Variants in RAPH1 observed in about 807,000 individuals in gnomAD.
The protein encoded by RAPH1 is ras-associated and pleckstrin homology domains-containing protein 1.
A neutral mutation model predicts 88.1 loss-of-function variants in RAPH1; 18 were observed. That is an observed-to-expected ratio of 0.20 (90% confidence interval 0.14 to 0.30). The LOEUF (loss-of-function observed/expected upper bound fraction) is 0.30. Among genes scored for constraint, RAPH1 ranks in the 10% least tolerant of loss-of-function variants. RAPH1 has a pLI of 1.00. For missense variants in RAPH1, 1,448 were observed against 1,543.2 expected (o/e 0.94, Z 1.03); for synonymous variants, 587 against 559.0 (o/e 1.05, Z -0.71).
intron 1 of RAPH1, among the ~76,000 whole-genome samples, chr2:203,527,708 G>A (rs1690184102): frequency 6.7e-6 from 1 of 149,220 alleles, no homozygotes; most frequent in Non-Finnish European, 1.5e-5. Flanking sequence ...ACTGAGGCAG[G>A]AGAATCGCTT....
At chr2:203,479,864 T>C (rs1472313965) in intron 4 of RAPH1, among the ~76,000 whole-genome samples, 2 of 152,192 alleles carry the variant, frequency 1.3e-5, no homozygotes, top group Non-Finnish European at 2.9e-5. Context: ...AAAGTACTTA[T>C]TTTCTTACCA....
chr2:203,491,191 T>C (rs1244947507), intron 3 of RAPH1, 23 bp downstream of exon 3: 16 of 1,511,336 alleles, frequency 1.1e-5, no homozygotes, highest in Non-Finnish European at 1.4e-5. Context: ...CTATTTTACA[T>C]TTTATTTCCA....
At chr2:203,524,359 G>T (rs1270472557) in intron 1 of RAPH1, among the ~76,000 whole-genome samples, 1 of 152,034 alleles carries the variant, frequency 6.6e-6, no homozygotes, top group Non-Finnish European at 1.5e-5. Flanking sequence ...GGAAAAATTT[G>T]CCCACTTTAA....
chr2:203,515,909 T>A (rs1689581369), intron 1 of RAPH1, among the ~76,000 whole-genome samples: 1 of 152,168 alleles, frequency 6.6e-6, no homozygotes, highest in Non-Finnish European at 1.5e-5. Context: ...ATGATATAGT[T>A]AAGACACTCA....
chr2:203,495,113 C>A, intron 2 of RAPH1, 121 bp downstream of exon 2: 1 of 1,063,214 alleles, frequency 9.4e-7, no homozygotes, highest in Non-Finnish European at 1.4e-6. Flanking sequence ...ATACTTCGAA[C>A]ATTTCTTCCT....
chr2:203,512,413 T>C (rs1689388894), intron 1 of RAPH1, among the ~76,000 whole-genome samples: 1 of 151,634 alleles, frequency 6.6e-6, no homozygotes, highest in Non-Finnish European at 1.5e-5. Flanking sequence ...TCCATGTTTG[T>C]ATGCCTCAAC....
At chr2:203,526,233 T>A (rs1690108126) in intron 1 of RAPH1, among the ~76,000 whole-genome samples, 1 of 152,164 alleles carries the variant, frequency 6.6e-6, no homozygotes, top group African/African-American at 2.4e-5. Context: ...TTTAAAAAAA[T>A]GTTTTATTAC....
chr2:203,444,039 A>T (rs1164650410), intron 13 of RAPH1: 1 of 115,976 alleles, frequency 8.6e-6, no homozygotes, highest in Non-Finnish European at 1.7e-5. Context: ...AAGGAAAGGA[A>T]GGGAAGGAAG....
intron 1 of RAPH1, among the ~76,000 whole-genome samples, chr2:203,501,097 T>A (rs770137148): frequency 6.6e-6 from 1 of 151,890 alleles, no homozygotes; most frequent in Non-Finnish European, 1.5e-5. Flanking sequence ...AAGTTACAAC[T>A]GTTGCAAAAT....
rs759119533 is a variant in RAPH1 at position 203,440,404 on chromosome 2, G to A, written c.2786C>T (p.Pro929Leu). The change falls in exon 14 of 14, where the codon CCT becomes CTT. Residue 929 changes from proline (P) to leucine (L), a missense_variant. This residue lies in a region of RAPH1 where 935 missense variants were observed against 890.1 expected (regional missense o/e 1.05). Transcript: ENST00000319170. Reference sequence around the variant, plus strand: ...GGCTGGGACAGGTGATGGGGGTGGAGGAGGAAACACCAGGCTGCTTTCAGG... The same window carrying A: ...GGCTGGGACAGGTGATGGGGGTGGAAGAGGAAACACCAGGCTGCTTTCAGG... Reference protein sequence around the residue: ...PPPESSLVFPPPPPSPVPAPP... With the variant: ...PPPESSLVFPLPPPSPVPAPP... 3 of 1,566,598 alleles carry A rather than the reference G, an allele frequency of 1.9e-6. No individual in the cohort carries two copies. Among genetic ancestry groups the A allele is most frequent in the Admixed American group, 1.8e-5 (1 of 54,468 alleles).
intron 7 of RAPH1, among the ~76,000 whole-genome samples, chr2:203,458,142 C>T (rs1239418842): frequency 6.6e-6 from 1 of 152,016 alleles, no homozygotes; most frequent in African/African-American, 2.4e-5. Flanking sequence ...GAGGCCAAGG[C>T]GGGTGGATCA....
Position 203,522,652 on chromosome 2 carries a change from A to G in RAPH1, c.-1+12459T>C, listed in dbSNP as rs190814323. ...TGCAGTGGCTCACACCTGTAATCCC[A>G]GCAGTTTGGAAGGCTGAGGCAGGCG... On this transcript the variant is annotated intron_variant, in intron 1 of 13. Coordinates refer to ENST00000319170, the MANE Select transcript of RAPH1 (RefSeq NM_213589.3). 3.0e-3 allele frequency among the ~76,000 whole-genome samples: 452 copies of G among 152,268 alleles called. 2 individuals carry two copies. The highest frequency in any genetic ancestry group is 0.01 in the African/African-American group (424 of 41,550).
In RAPH1 at chr2:203,489,604, G is replaced by C; in HGVS notation, c.712C>G (p.Gln238Glu). ...TRPQELDLTH[Q>E]GQPITEEEQA... ...TTTACCTCAGTAATTGGCTGCCCTT[G>C]ATGTGTCAAATCCAGCTCTTGAGGG... is the stretch of plus-strand genomic sequence containing the variant. The change falls in exon 4 of 14, where the codon CAA (glutamine) becomes GAA (glutamate). Residue 238 changes from glutamine (Q) to glutamate (E), a missense_variant. Physicochemically the swap from Gln to Glu is conservative, Grantham distance 29 (BLOSUM62 2). Coordinates refer to ENST00000319170, the MANE Select transcript of RAPH1 (RefSeq NM_213589.3). 6.3e-7 allele frequency: 1 copy of C among 1,577,026 alleles called. No individual in the cohort carries two copies. Among genetic ancestry groups the C allele is most frequent in the Non-Finnish European group, 8.7e-7 (1 of 1,155,748 alleles).
chr2:203,500,729 A>C (rs914982250), intron 1 of RAPH1, among the ~76,000 whole-genome samples: 2 of 152,234 alleles, frequency 1.3e-5, no homozygotes, highest in Admixed American at 1.3e-4. Flanking sequence ...AAGTAATGCC[A>C]TTTTGTGTAA....
In RAPH1 at chr2:203,438,025, T is replaced by C; in HGVS notation, c.*1412A>G. 2.5e-6 allele frequency: 1 copy of C among 393,650 alleles called. No homozygotes were observed. Among genetic ancestry groups the C allele is most frequent in the South Asian group, 1.9e-5 (1 of 52,794 alleles). 24.4% of individuals were successfully genotyped at this position (393,650 alleles called of 1,614,324 possible). ...CAAGGAAAATTCACAGAAAAAAGCA[T>C]ATAGAAGTATAGTGTGTCGTTAGAG... On this transcript the variant is annotated 3_prime_UTR_variant, in exon 14 of 14. Transcript: ENST00000319170.
At position 203,454,501 on chromosome 2, in the gene RAPH1, C is replaced by G; in HGVS notation, c.1342G>C (p.Val448Leu). Reference protein sequence around the residue: ...DLVCFLQLDHVNVYYGQDYRN... With the variant: ...DLVCFLQLDHLNVYYGQDYRN... ...TAGTCCTGGCCATAATAAACGTTGA[C>G]ATGATCCAGCTGGAGAAAGCACACC... The change falls in exon 10 of 14, where the codon GTC becomes CTC. Residue 448 changes from valine to leucine, a missense_variant. Val to Leu is a conservative substitution (Grantham distance 32). Transcript: ENST00000319170. 1 of 1,613,718 alleles carries G rather than the reference C, an allele frequency of 6.2e-7. No homozygotes were observed. Among genetic ancestry groups the G allele is most frequent in the Non-Finnish European group, 8.5e-7 (1 of 1,179,864 alleles).
In RAPH1 at chr2:203,489,865, A is replaced by G; in HGVS notation, c.451T>C (p.Tyr151His). 1 of 1,614,266 alleles carries G rather than the reference A, an allele frequency of 6.2e-7. No individual in the cohort carries two copies. Among genetic ancestry groups the G allele is most frequent in the East Asian group, 2.2e-5 (1 of 44,894 alleles). Reference protein sequence around the residue: ...NRIAKPSHASYSLDDVTAQLE... With the variant: ...NRIAKPSHASHSLDDVTAQLE... Reference sequence around the variant, plus strand: ...TGTGCAGTGACGTCGTCCAAGGAGTAGCTGGCATGGGAAGGTTTAGCTATC... The same window carrying G: ...TGTGCAGTGACGTCGTCCAAGGAGTGGCTGGCATGGGAAGGTTTAGCTATC... Residue 151 changes from tyrosine (Y) to histidine (H), a missense_variant, in exon 4 of 14, where the codon TAC (tyrosine) becomes CAC (histidine). Coordinates refer to ENST00000319170, the MANE Select transcript of RAPH1 (RefSeq NM_213589.3).
At chr2:203,500,918 T>C (rs1438170700) in intron 1 of RAPH1, among the ~76,000 whole-genome samples, 10 of 152,220 alleles carry the variant, frequency 6.6e-5, no homozygotes, top group Non-Finnish European at 1.3e-4. Context: ...AGATAAATTT[T>C]AGTTCTTTAT....
At chr2:203,512,743 C>A (rs1689407711) in intron 1 of RAPH1, among the ~76,000 whole-genome samples, 1 of 151,612 alleles carries the variant, frequency 6.6e-6, no homozygotes, top group East Asian at 2.0e-4. Flanking sequence ...CTTGCCTCAG[C>A]CTCCCAAGTA....
Sources: gnomAD v4.1 joint callset for allele counts (sites outside exome capture counted in the v4.1 genomes callset) on GRCh38, gnomAD v4.1.1 for gene constraint, gnomAD v4.1.1 regional missense constraint, MANE v1.5 for transcripts, NCBI Gene and HGNC (gene_info 2026-07-23, HGNC 2026-07-21) for gene names.